Variants in VPS13A observed in about 807,000 individuals in gnomAD.
VPS13A encodes the protein vacuolar protein sorting 13 homolog A.
Under a neutral mutation model 390.9 loss-of-function variants are expected in VPS13A, and 264 were observed. The observed-to-expected ratio is 0.68, with a 90% CI of 0.61 to 0.75. VPS13A has a LOEUF of 0.75. VPS13A is among the 30% of genes least tolerant of loss of function. The pLI, the probability that VPS13A is intolerant of heterozygous loss-of-function variation, is 0.00. For missense variants in VPS13A, 3,409 were observed against 3,733.9 expected, an observed-to-expected ratio of 0.91 and a Z score of 2.27; for synonymous variants, 1,231 against 1,227.1, an observed-to-expected ratio of 1.00 and a Z score of -0.07.
Position 77,295,659 on chromosome 9 carries a change from C to G in VPS13A, c.3625C>G (p.Leu1209Val). 1.2e-6 allele frequency: 2 copies of G among 1,613,980 alleles called. No homozygotes were observed. Among genetic ancestry groups the G allele is most frequent in the Non-Finnish European group, 1.7e-6 (2 of 1,179,942 alleles). ...CGCACAAAGGAGTTCCAGAATGGCA[C>G]TGGATATTAACATCAAAGCCCCAGT... Reference protein sequence around the residue: ...ELAQRSSRMALDINIKAPVVV... With the variant: ...ELAQRSSRMAVDINIKAPVVV... The change falls in exon 33 of 72, where the codon CTG becomes GTG. Residue 1209 changes from leucine (L) to valine (V), a missense_variant. This residue lies in a region of VPS13A where 2,717 missense variants were observed against 2,917.4 expected (regional missense o/e 0.93). Transcript: ENST00000360280.
intron 23 of VPS13A, among the ~76,000 whole-genome samples, chr9:77,269,846 G>T (rs1006865051): frequency 6.6e-6 from 1 of 152,152 alleles, no homozygotes; most frequent in Non-Finnish European, 1.5e-5. Context: ...GTTCTTTACA[G>T]CAGTGATTAA....
At chr9:77,197,827 C>T (rs913489152) in intron 1 of VPS13A, among the ~76,000 whole-genome samples, 2 of 152,170 alleles carry the variant, frequency 1.3e-5, no homozygotes, top group African/African-American at 2.4e-5. Context: ...AAAGGAAAGG[C>T]GTCACTGTCT....
At chr9:77,404,936 T>TA (rs1834529730) in intron 69 of VPS13A, among the ~76,000 whole-genome samples, 1 of 151,804 alleles carries the variant, frequency 6.6e-6, no homozygotes, top group African/African-American at 2.4e-5. Context: ...AAGTGAGAGA[T>TA]AGATATAAAT....
intron 24 of VPS13A, 90 bp from the exon 25 acceptor site, chr9:77,275,408 A>G: frequency 8.4e-7 from 1 of 1,196,220 alleles, no homozygotes. Flanking sequence ...AGAGAGCCTT[A>G]GTGTTTTAGT....
chr9:77,385,267 A>T, intron 68 of VPS13A: 1 of 623,626 alleles, frequency 1.6e-6, no homozygotes, highest in Non-Finnish European at 2.0e-6. Context: ...ATGGCCTCTC[A>T]TGGAAGAGTA....
At chr9:77,392,858 T>A (rs1833955987) in intron 68 of VPS13A, among the ~76,000 whole-genome samples, 1 of 150,042 alleles carries the variant, frequency 6.7e-6, no homozygotes, top group South Asian at 2.1e-4. Context: ...CTTCAGTGAG[T>A]CCATCTTTTT....
intron 34 of VPS13A, among the ~76,000 whole-genome samples, chr9:77,304,731 A>G (rs17063524): frequency 0.014 from 2,207 of 152,208 alleles, 54 homozygotes; most frequent in African/African-American, 0.051. Context: ...ACTGCCCACA[A>G]GTTCATATTT....
chr9:77,303,703 A>T (rs978958625), intron 34 of VPS13A, among the ~76,000 whole-genome samples: 1 of 152,148 alleles, frequency 6.6e-6, no homozygotes. Flanking sequence ...AAAAGAATCT[A>T]TGTCATAATT....
chr9:77,380,388 C>G (rs1176179096), intron 67 of VPS13A, among the ~76,000 whole-genome samples: 1 of 152,096 alleles, frequency 6.6e-6, no homozygotes, highest in African/African-American at 2.4e-5. Flanking sequence ...TCTCGGCTCA[C>G]TGCAACCTCC....
At chr9:77,250,766 A>G (rs879293750) in intron 21 of VPS13A, among the ~76,000 whole-genome samples, 1 of 152,240 alleles carries the variant, frequency 6.6e-6, no homozygotes, top group African/African-American at 2.4e-5. Context: ...TCACTGTGGT[A>G]TACCAGTCAG....
intron 71 of VPS13A, among the ~76,000 whole-genome samples, chr9:77,414,721 C>T (rs895572906): frequency 3.7e-4 from 52 of 140,690 alleles, no homozygotes; most frequent in African/African-American, 1.3e-3. Context: ...CACATGTACC[C>T]TAAAACTTGA....
At chr9:77,273,232 T>G in intron 23 of VPS13A, 48 bp from the exon 24 acceptor site, 2 of 1,418,514 alleles carry the variant, frequency 1.4e-6, no homozygotes, top group Non-Finnish European at 2.0e-6. Flanking sequence ...GAATAAGCGG[T>G]GAATAAACAT....
chr9:77,207,149 C>T (rs185750502), intron 5 of VPS13A, among the ~76,000 whole-genome samples: 84 of 137,122 alleles, frequency 6.1e-4, no homozygotes, highest in African/African-American at 2.1e-3. Flanking sequence ...TGTTCCTGGC[C>T]CAGGCCCGCA....
At chr9:77,323,490 G>A (rs1190253164) in intron 45 of VPS13A, among the ~76,000 whole-genome samples, 4 of 151,934 alleles carry the variant, frequency 2.6e-5, no homozygotes, top group Non-Finnish European at 4.4e-5. Flanking sequence ...ATAGTCATCA[G>A]TGTTTTGCTT....
At chr9:77,307,104 G>T (rs973110246) in intron 34 of VPS13A, among the ~76,000 whole-genome samples, 4 of 151,824 alleles carry the variant, frequency 2.6e-5, no homozygotes, top group African/African-American at 4.8e-5. Flanking sequence ...GGGTTTCACC[G>T]TGTTGGCTGG....
chr9:77,346,978 G>A (rs548582982), intron 52 of VPS13A, among the ~76,000 whole-genome samples: 1 of 152,216 alleles, frequency 6.6e-6, no homozygotes, highest in Admixed American at 6.5e-5. Flanking sequence ...TTGTTTTGTT[G>A]AAGATAATTG....
chr9:77,330,797 ATGAAGT>A lies in VPS13A; in HGVS notation c.5992-1206_5992-1201del, dbSNP rs1587598300. ...TCCCTCAAATTAAAAAAAAAAATAC[ATGAAGT>A]TGAAGTCAGCTGTTTTGTTTCCCTC... On this transcript the variant is annotated intron_variant, in intron 45 of 71. Coordinates refer to ENST00000360280, the MANE Select transcript of VPS13A (RefSeq NM_033305.3). Among the ~76,000 whole-genome samples, 3 of 152,134 alleles carry A rather than the reference ATGAAGT, an allele frequency of 2.0e-5. No individual in the cohort carries two copies. The East Asian group carries it at 5.8e-4, about 29-fold the overall frequency.
In VPS13A at chr9:77,225,938, A is replaced by T; in HGVS notation, c.1174A>T (p.Thr392Ser). The change falls in exon 14 of 72, where the codon ACC (threonine) becomes TCC (serine). Residue 392 changes from threonine (T) to serine (S), a missense_variant. Around this residue, in one of 5 missense-constraint regions of VPS13A, gnomAD observed 2,717 missense variants for 2,917.4 expected, o/e 0.93. Coordinates refer to ENST00000360280, the MANE Select transcript of VPS13A (RefSeq NM_033305.3). Reference sequence around the variant, plus strand: ...TTATATTTTTCAGGAGTTGGAAAAAACCTTGGATGTCTTTAATATAACTAT... The same window carrying T: ...TTATATTTTTCAGGAGTTGGAAAAATCCTTGGATGTCTTTAATATAACTAT... ...LLVSLEELEKTLDVFNITIAR... is the reference protein window; with the variant it reads ...LLVSLEELEKSLDVFNITIAR... The T allele has an allele frequency of 1.2e-6, 2 of 1,611,908 alleles. No individual in the cohort carries two copies. Among genetic ancestry groups the T allele is most frequent in the Non-Finnish European group, 1.7e-6 (2 of 1,179,002 alleles).
chr9:77,289,786 T>G (rs1432282841), intron 31 of VPS13A, among the ~76,000 whole-genome samples: 1 of 148,522 alleles, frequency 6.7e-6, no homozygotes, highest in Non-Finnish European at 1.5e-5. Context: ...TCTCATTTCT[T>G]TTTTTTTTTT....
Sources: gnomAD v4.1 joint callset for allele counts (sites outside exome capture counted in the v4.1 genomes callset) on GRCh38, gnomAD v4.1.1 for gene constraint, gnomAD v4.1.1 regional missense constraint, MANE v1.5 for transcripts, NCBI Gene and HGNC (gene_info 2026-07-23, HGNC 2026-07-21) for gene names.